NKAIN2: variants seen among roughly 807,000 people sequenced by gnomAD.
The protein encoded by NKAIN2 is sodium/potassium-transporting ATPase subunit beta-1-interacting protein 2.
In NKAIN2, 14 loss-of-function variants were observed where a neutral mutation model predicts 32.6. The ratio of observed to expected loss-of-function variants is 0.43; its 90% CI spans 0.28 to 0.67. NKAIN2 has a LOEUF of 0.67. Ranked by LOEUF, NKAIN2 falls within the 30% of genes least tolerant of loss-of-function variation. NKAIN2 has a pLI of 0.17. For synonymous variants in NKAIN2, 80 were observed against 87.2 expected (o/e 0.92, Z 0.46); for missense variants, 198 against 258.3 (o/e 0.77, Z 1.60).
intron 1 of NKAIN2, among the ~76,000 whole-genome samples, chr6:124,262,091 G>A (rs1794281386): frequency 1.3e-5 from 2 of 152,196 alleles, no homozygotes; most frequent in Middle Eastern, 3.4e-3. Flanking sequence ...CCACCACAGG[G>A]CCTGACAGAC....
intron 3 of NKAIN2, among the ~76,000 whole-genome samples, chr6:124,539,646 A>G (rs1380517607): frequency 1.3e-5 from 2 of 152,220 alleles, no homozygotes; most frequent in African/African-American, 4.8e-5. Context: ...TGATTAAAGA[A>G]AGGAAATGGC....
intron 1 of NKAIN2, among the ~76,000 whole-genome samples, chr6:124,122,455 A>G (rs1785928797): frequency 6.6e-6 from 1 of 152,074 alleles, no homozygotes; most frequent in Non-Finnish European, 1.5e-5. Context: ...GGAGAGTTTT[A>G]TAGGCTATCG....
chr6:124,312,692 G>A (rs1796773823), intron 2 of NKAIN2, among the ~76,000 whole-genome samples: 1 of 152,066 alleles, frequency 6.6e-6, no homozygotes, highest in South Asian at 2.1e-4. Flanking sequence ...AGACTTCATT[G>A]GCTAGTTACG....
chr6:124,299,763 A>C (rs924437383), intron 2 of NKAIN2, among the ~76,000 whole-genome samples: 1 of 152,204 alleles, frequency 6.6e-6, no homozygotes, highest in Non-Finnish European at 1.5e-5. Flanking sequence ...AGTTAATTAG[A>C]CTGAATTTAA....
chr6:124,138,176 G>A (rs1205015069), intron 1 of NKAIN2, among the ~76,000 whole-genome samples: 2 of 152,030 alleles, frequency 1.3e-5, no homozygotes, highest in African/African-American at 4.8e-5. Flanking sequence ...GGGGGCAAAG[G>A]ATGTGAATAG....
intron 1 of NKAIN2, among the ~76,000 whole-genome samples, chr6:124,083,038 G>A (rs1346038650): frequency 6.6e-6 from 1 of 151,776 alleles, no homozygotes; most frequent in African/African-American, 2.4e-5. Context: ...AACATAGACT[G>A]CTTTTTATTT....
At chr6:124,592,540 G>T (rs149015704) in intron 3 of NKAIN2, among the ~76,000 whole-genome samples, 1 of 152,308 alleles carries the variant, frequency 6.6e-6, no homozygotes, top group South Asian at 2.1e-4. Flanking sequence ...GAAAGCTAAA[G>T]TATGCCTGGG....
chr6:124,251,918 A>G (rs1793705869), intron 1 of NKAIN2, among the ~76,000 whole-genome samples: 2 of 152,080 alleles, frequency 1.3e-5, no homozygotes, highest in South Asian at 4.1e-4. Flanking sequence ...TATATATAAG[A>G]ACATTACCAA....
intron 1 of NKAIN2, among the ~76,000 whole-genome samples, chr6:124,175,872 TTC>T (rs1303272051): frequency 6.6e-6 from 1 of 152,184 alleles, no homozygotes; most frequent in Non-Finnish European, 1.5e-5. Context: ...TGCCCTTTAT[TTC>T]TCTCTTTCTC....
chr6:124,292,050 C>T (rs1795838091), intron 2 of NKAIN2, among the ~76,000 whole-genome samples: 1 of 151,972 alleles, frequency 6.6e-6, no homozygotes, highest in South Asian at 2.1e-4. Flanking sequence ...CTATGCTATC[C>T]CCAGGTAATT....
chr6:123,942,007 A>G (rs1043096732), intron 1 of NKAIN2, among the ~76,000 whole-genome samples: 1 of 151,894 alleles, frequency 6.6e-6, no homozygotes, highest in African/African-American at 2.4e-5. Context: ...AGTATGTAGC[A>G]CTCTAAAGAT....
intron 4 of NKAIN2, among the ~76,000 whole-genome samples, chr6:124,726,050 G>A (rs1348476216): frequency 6.6e-6 from 1 of 152,338 alleles, no homozygotes; most frequent in South Asian, 2.1e-4. Flanking sequence ...CTGGCTTGGA[G>A]GGTCCTACGC....
chr6:123,936,407 T>C (rs2114537116), intron 1 of NKAIN2, among the ~76,000 whole-genome samples: 1 of 152,136 alleles, frequency 6.6e-6, no homozygotes, highest in South Asian at 2.1e-4. Flanking sequence ...TGGGACAAAA[T>C]GCATAATACA....
chr6:124,280,890 G>A (rs914044921), intron 1 of NKAIN2, among the ~76,000 whole-genome samples: 1 of 152,134 alleles, frequency 6.6e-6, no homozygotes, highest in Non-Finnish European at 1.5e-5. Flanking sequence ...GAAAAAGGCA[G>A]AAATATTATA....
chr6:124,319,745 T>C (rs1797096905), intron 2 of NKAIN2, among the ~76,000 whole-genome samples: 1 of 152,132 alleles, frequency 6.6e-6, no homozygotes, highest in African/African-American at 2.4e-5. Context: ...CCCTCAATCT[T>C]TTATTATGCA....
chr6:124,410,069 C>G (rs1774085430), intron 3 of NKAIN2, among the ~76,000 whole-genome samples: 1 of 151,962 alleles, frequency 6.6e-6, no homozygotes, highest in African/African-American at 2.4e-5. Context: ...TTGTGTCTAT[C>G]TGATTCTTCT....
At chr6:123,924,654 TC>T (rs1775924111) in intron 1 of NKAIN2, among the ~76,000 whole-genome samples, 2 of 152,158 alleles carry the variant, frequency 1.3e-5, no homozygotes, top group South Asian at 4.1e-4. Flanking sequence ...ATCGTTCAGT[TC>T]AGCTTTCTGT....
At chr6:124,538,097 T>G (rs936107267) in intron 3 of NKAIN2, among the ~76,000 whole-genome samples, 9 of 152,120 alleles carry the variant, frequency 5.9e-5, no homozygotes, top group Non-Finnish European at 1.2e-4. Context: ...TCTAAATAGT[T>G]TATTCAATAC....
chr6:124,710,207 A>T (rs1775366407), intron 4 of NKAIN2, among the ~76,000 whole-genome samples: 1 of 151,822 alleles, frequency 6.6e-6, no homozygotes, highest in Admixed American at 6.6e-5. Context: ...AGTTTGTTAT[A>T]ATCTCTGTTC....
Sources: allele counts gnomAD v4.1 joint callset (sites outside exome capture counted in the v4.1 genomes callset), GRCh38; gene constraint gnomAD v4.1.1; transcripts MANE v1.5; gene names NCBI Gene and HGNC (gene_info 2026-07-23, HGNC 2026-07-21).